SOX5: variants seen among roughly 807,000 people sequenced by gnomAD.
SOX5 encodes the protein transcription factor SOX-5.
A neutral mutation model predicts 92.0 loss-of-function variants in SOX5; 9 were observed. The observed-to-expected ratio is 0.10, with a 90% confidence interval of 0.06 to 0.17. The LOEUF is 0.17. Among genes scored for constraint, SOX5 ranks in the 10% least tolerant of loss-of-function variants. SOX5 has a pLI of 1.00. For synonymous variants in SOX5, 344 were observed against 336.3 expected (o/e 1.02, Z -0.25); for missense variants, 642 against 944.5 (o/e 0.68, Z 4.20).
intron 4 of SOX5, among the ~76,000 whole-genome samples, chr12:24,040,885 A>G (rs944742600): frequency 2.0e-5 from 3 of 151,510 alleles, no homozygotes; most frequent in Non-Finnish European, 2.9e-5. Flanking sequence ...GGAAAAAACA[A>G]AAAAAAAATT....
chr12:23,854,117 G>A (rs1254916101), intron 2 of SOX5, among the ~76,000 whole-genome samples: 1 of 152,012 alleles, frequency 6.6e-6, no homozygotes, highest in African/African-American at 2.4e-5. Context: ...ATTTTCATCT[G>A]TATTCTGTAC....
chr12:23,865,112 T>C (rs1367010395), intron 2 of SOX5, among the ~76,000 whole-genome samples: 1 of 152,212 alleles, frequency 6.6e-6, no homozygotes, highest in Non-Finnish European at 1.5e-5. Flanking sequence ...GCTCTGTCTT[T>C]GTCTATAAAT....
At chr12:24,289,057 G>A (rs1347302315) in intron 2 of SOX5, among the ~76,000 whole-genome samples, 2 of 152,060 alleles carry the variant, frequency 1.3e-5, no homozygotes, top group Non-Finnish European at 2.9e-5. Flanking sequence ...GGGAGGCCAA[G>A]GTTGCTTGAG....
intron 9 of SOX5, among the ~76,000 whole-genome samples, chr12:23,578,941 A>ACAAAG (rs3030240): frequency 4.0e-5 from 6 of 151,562 alleles, no homozygotes; most frequent in African/African-American, 9.7e-5. Flanking sequence ...AAGAAACAAA[A>ACAAAG]CAAAGCAAAG....
chr12:24,373,920 G>A (rs531229385), intron 1 of SOX5, among the ~76,000 whole-genome samples: 15 of 152,254 alleles, frequency 9.9e-5, no homozygotes, highest in African/African-American at 3.4e-4. Flanking sequence ...GCCACTAATC[G>A]GCTTTGAGTT....
At chr12:24,151,156 T>C (rs1332289291) in intron 4 of SOX5, among the ~76,000 whole-genome samples, 1 of 152,138 alleles carries the variant, frequency 6.6e-6, no homozygotes, top group Non-Finnish European at 1.5e-5. Context: ...GGTGGTTCCA[T>C]GTTTATAGTC....
intron 4 of SOX5, among the ~76,000 whole-genome samples, chr12:23,754,738 T>G (rs916583904): frequency 6.6e-6 from 1 of 151,846 alleles, no homozygotes. Flanking sequence ...GAAAATTGCT[T>G]CTGTCATTGG....
chr12:23,708,086 C>G (rs192065530), intron 6 of SOX5, among the ~76,000 whole-genome samples: 6 of 151,574 alleles, frequency 4.0e-5, no homozygotes, highest in African/African-American at 1.2e-4. Flanking sequence ...AAGTGTAATA[C>G]AAGGTACAAA....
chr12:24,235,487 A>T (rs1388015321), intron 3 of SOX5, among the ~76,000 whole-genome samples: 1 of 152,208 alleles, frequency 6.6e-6, no homozygotes, highest in Non-Finnish European at 1.5e-5. Context: ...AAAATAATAG[A>T]AACCCTACAT....
chr12:24,221,462 G>A (rs1960413924), intron 3 of SOX5, among the ~76,000 whole-genome samples: 1 of 152,218 alleles, frequency 6.6e-6, no homozygotes, highest in African/African-American at 2.4e-5. Context: ...GAGAACATGT[G>A]TAAATTCTTC....
intron 10 of SOX5, among the ~76,000 whole-genome samples, chr12:23,573,280 A>G (rs1162571335): frequency 6.6e-6 from 1 of 152,186 alleles, no homozygotes; most frequent in Non-Finnish European, 1.5e-5. Flanking sequence ...AGATGAGTTT[A>G]TATCACCAAA....
intron 5 of SOX5, among the ~76,000 whole-genome samples, chr12:23,735,590 T>C (rs1177884080): frequency 6.6e-6 from 1 of 152,170 alleles, no homozygotes; most frequent in African/African-American, 2.4e-5. Context: ...CTTACTTCCA[T>C]ATGTAAGCCA....
At chr12:24,316,697 G>A (rs534647672) in intron 2 of SOX5, among the ~76,000 whole-genome samples, 10 of 152,224 alleles carry the variant, frequency 6.6e-5, no homozygotes, top group Admixed American at 1.3e-4. Flanking sequence ...TCCACATGTC[G>A]TTTCAAAATG....
intron 4 of SOX5, among the ~76,000 whole-genome samples, chr12:24,079,488 G>A (rs74485766): frequency 0.038 from 5,768 of 151,940 alleles, 138 homozygotes; most frequent in Admixed American, 0.057. Context: ...TAAATTAAGG[G>A]GGATGTTTTT....
At chr12:23,559,065 G>C (rs11046976) in intron 11 of SOX5, among the ~76,000 whole-genome samples, 22,646 of 152,156 alleles carry the variant, frequency 0.15, 1,816 homozygotes, top group Non-Finnish European at 0.18. Flanking sequence ...TTTCGGCTGA[G>C]TGCACTGGGC....
At chr12:24,321,576 T>C (rs1950213822) in intron 2 of SOX5, among the ~76,000 whole-genome samples, 1 of 152,208 alleles carries the variant, frequency 6.6e-6, no homozygotes, top group African/African-American at 2.4e-5. Context: ...TATCACATAC[T>C]CATTTCATAT....
At chr12:23,687,126 A>G (rs2087742876) in intron 6 of SOX5, among the ~76,000 whole-genome samples, 2 of 152,102 alleles carry the variant, frequency 1.3e-5, no homozygotes, top group Admixed American at 1.3e-4. Flanking sequence ...CTTCCTACGT[A>G]TTATAAATAT....
chr12:24,113,306 G>A (rs989444630), intron 4 of SOX5, among the ~76,000 whole-genome samples: 10 of 147,670 alleles, frequency 6.8e-5, no homozygotes, highest in African/African-American at 2.5e-4. Flanking sequence ...CAACTAGGTT[G>A]TTATCTGGTA....
intron 4 of SOX5, among the ~76,000 whole-genome samples, chr12:24,054,014 T>G (rs974219375): frequency 6.6e-6 from 1 of 152,184 alleles, no homozygotes; most frequent in Non-Finnish European, 1.5e-5. Context: ...CTGTGTTCTT[T>G]CCATGGCACT....
Sources: allele counts gnomAD v4.1 joint callset (sites outside exome capture counted in the v4.1 genomes callset), GRCh38; gene constraint gnomAD v4.1.1; transcripts MANE v1.5; gene names NCBI Gene and HGNC (gene_info 2026-07-23, HGNC 2026-07-21).